PDE4D: variants seen among roughly 807,000 people sequenced by gnomAD.
The protein encoded by PDE4D is phosphodiesterase 4D.
A neutral mutation model predicts 87.4 loss-of-function variants in PDE4D; 24 were observed. The ratio of observed to expected loss-of-function variants is 0.27; its 90% confidence interval spans 0.20 to 0.39. PDE4D has a LOEUF of 0.39. Among genes scored for constraint, PDE4D ranks in the 10% least tolerant of loss-of-function variants. The probability of loss-of-function intolerance (pLI) is 1.00; values close to 1 mark genes in which losing one functional copy is unlikely to be tolerated. For missense variants in PDE4D, 714 were observed against 1,041.0 expected, an observed-to-expected ratio of 0.69 and a Z score of 4.32; for synonymous variants, 384 against 383.2, an observed-to-expected ratio of 1.00 and a Z score of -0.02.
chr5:59,379,693 A>G (rs1049046565), intron 1 of PDE4D, among the ~76,000 whole-genome samples: 5 of 152,126 alleles, frequency 3.3e-5, no homozygotes, highest in African/African-American at 1.2e-4. Context: ...TGAAATACAT[A>G]GAATATACCT....
intron 1 of PDE4D, among the ~76,000 whole-genome samples, chr5:59,522,413 T>C (rs996814310): frequency 9.9e-5 from 15 of 152,148 alleles, no homozygotes; most frequent in Non-Finnish European, 1.8e-4. Flanking sequence ...ACACAAACAG[T>C]GTCACTGTCC....
At chr5:60,209,577 T>G (rs1430689322) in intron 1 of PDE4D, among the ~76,000 whole-genome samples, 1 of 152,164 alleles carries the variant, frequency 6.6e-6, no homozygotes, top group African/African-American at 2.4e-5. Flanking sequence ...TTATGGCAAT[T>G]TTTGCAACAT....
chr5:59,936,655 C>G (rs184142121), intron 3 of PDE4D, among the ~76,000 whole-genome samples: 1 of 152,168 alleles, frequency 6.6e-6, no homozygotes, highest in African/African-American at 2.4e-5. Context: ...TCTCACTCTC[C>G]CATCTTTCAG....
intron 1 of PDE4D, among the ~76,000 whole-genome samples, chr5:59,827,401 T>C (rs1422666122): frequency 1.3e-5 from 2 of 152,146 alleles, no homozygotes; most frequent in East Asian, 3.9e-4. Flanking sequence ...GTTGCATCAT[T>C]GAAATGTGTC....
chr5:59,937,457 T>G (rs1273892496), intron 3 of PDE4D, among the ~76,000 whole-genome samples: 1 of 152,202 alleles, frequency 6.6e-6, no homozygotes, highest in African/African-American at 2.4e-5. Context: ...AACATTTATT[T>G]TCTCACAGTT....
intron 1 of PDE4D, among the ~76,000 whole-genome samples, chr5:59,762,738 T>C (rs1762283097): frequency 6.8e-6 from 1 of 147,486 alleles, no homozygotes; most frequent in Non-Finnish European, 1.5e-5. Flanking sequence ...GTATATATAA[T>C]ATATGTATAT....
chr5:59,305,024 G>C (rs1320614081), intron 1 of PDE4D, among the ~76,000 whole-genome samples: 1 of 151,876 alleles, frequency 6.6e-6, no homozygotes, highest in Non-Finnish European at 1.5e-5. Flanking sequence ...GTCGGGTCTT[G>C]GACTTCTTTT....
intron 2 of PDE4D, among the ~76,000 whole-genome samples, chr5:60,108,730 G>T (rs1281455692): frequency 6.6e-6 from 1 of 152,056 alleles, no homozygotes; most frequent in African/African-American, 2.4e-5. Context: ...TCTGATCTTT[G>T]ACAAACCTGA....
At chr5:60,440,634 G>C (rs1226358034) in intron 1 of PDE4D, among the ~76,000 whole-genome samples, 2 of 152,122 alleles carry the variant, frequency 1.3e-5, no homozygotes, top group Non-Finnish European at 2.9e-5. Flanking sequence ...ATATTGAAAT[G>C]CATATATATT....
intron 2 of PDE4D, among the ~76,000 whole-genome samples, chr5:60,107,351 T>C (rs1777094803): frequency 6.6e-6 from 1 of 152,022 alleles, no homozygotes. Context: ...GGATCTGAAA[T>C]TGTGGCAATA....
chr5:59,139,739 C>A (rs1442698968), intron 5 of PDE4D, among the ~76,000 whole-genome samples: 2 of 151,948 alleles, frequency 1.3e-5, no homozygotes, highest in Non-Finnish European at 2.9e-5. Context: ...CTCAGCCTCC[C>A]AAAATACTAG....
chr5:59,788,680 G>A (rs1344239466), intron 1 of PDE4D, among the ~76,000 whole-genome samples: 3 of 152,204 alleles, frequency 2.0e-5, no homozygotes, highest in Non-Finnish European at 4.4e-5. Flanking sequence ...GTGTTCCTGT[G>A]GGACACATTT....
At position 59,281,641 on chromosome 5, in the gene PDE4D, G is replaced by A. The variant is rs549878673; in HGVS notation, c.456-65673C>T. On this transcript the variant is annotated intron_variant, in intron 1 of 14. Coordinates refer to ENST00000340635, the MANE Select transcript of PDE4D (RefSeq NM_001104631.2). ...ATGTATATTCCCCCTGTTGCACAACGATTATCTCCATCCATCTCCAGAACT... is the reference window on the plus strand; with the variant it reads ...ATGTATATTCCCCCTGTTGCACAACAATTATCTCCATCCATCTCCAGAACT... Among the ~76,000 whole-genome samples the A allele has an allele frequency of 6.6e-5, 10 of 152,084 alleles. No individual in the cohort carries two copies. In the South Asian group the frequency reaches 1.7e-3, roughly 25 times the overall value.
intron 3 of PDE4D, among the ~76,000 whole-genome samples, chr5:59,188,448 T>A (rs1743415383): frequency 6.6e-6 from 1 of 152,198 alleles, no homozygotes; most frequent in Non-Finnish European, 1.5e-5. Flanking sequence ...TACTCTCGGA[T>A]CTTCTTAGGT....
chr5:59,139,289 T>A (rs1466035986), intron 5 of PDE4D, among the ~76,000 whole-genome samples: 1 of 152,236 alleles, frequency 6.6e-6, no homozygotes, highest in Non-Finnish European at 1.5e-5. Flanking sequence ...CCTGACAATG[T>A]TTGTTACTCC....
chr5:60,010,268 C>T (rs983990642), intron 2 of PDE4D, among the ~76,000 whole-genome samples: 1 of 152,066 alleles, frequency 6.6e-6, no homozygotes, highest in Admixed American at 6.6e-5. Flanking sequence ...AAAATAGTGC[C>T]CACCGCATGC....
upstream of PDE4D, chr5:60,490,716 A>C (rs1215761045): frequency 6.6e-6 from 1 of 152,234 alleles, no homozygotes; most frequent in East Asian, 1.9e-4. Flanking sequence ...TATTTCCTTC[A>C]TCTTAACCCC....
intron 1 of PDE4D, among the ~76,000 whole-genome samples, chr5:60,472,400 C>T (rs1747881566): frequency 6.6e-6 from 1 of 152,126 alleles, no homozygotes; most frequent in African/African-American, 2.4e-5. Flanking sequence ...CCATAAGCTG[C>T]CTCCAATCAT....
chr5:60,120,895 A>G (rs1257597276), intron 2 of PDE4D, among the ~76,000 whole-genome samples: 1 of 152,108 alleles, frequency 6.6e-6, no homozygotes. Flanking sequence ...AAGGAGATTA[A>G]CATTTGAGTC....
Sources: gnomAD v4.1 joint callset for allele counts (sites outside exome capture counted in the v4.1 genomes callset) on GRCh38, gnomAD v4.1.1 for gene constraint, MANE v1.5 for transcripts, NCBI Gene and HGNC (gene_info 2026-07-23, HGNC 2026-07-21) for gene names.